PLEKHM3: variants seen among roughly 807,000 people sequenced by gnomAD.
The protein encoded by PLEKHM3 is pleckstrin homology domain containing M3.
A neutral mutation model predicts 81.8 loss-of-function variants in PLEKHM3; 45 were observed. The ratio of observed to expected loss-of-function variants is 0.55; its 90% confidence interval spans 0.43 to 0.71. The LOEUF (loss-of-function observed/expected upper bound fraction) is 0.71. Among genes scored for constraint, PLEKHM3 ranks in the 30% least tolerant of loss-of-function variants. The probability of loss-of-function intolerance (pLI) is 0.00; values close to 1 mark genes in which losing one functional copy is unlikely to be tolerated. For missense variants in PLEKHM3, 788 were observed against 924.3 expected (o/e 0.85, Z 1.91); for synonymous variants, 352 against 356.4 (o/e 0.99, Z 0.14).
At chr2:207,874,722 G>T (rs1160301571) in intron 6 of PLEKHM3, among the ~76,000 whole-genome samples, 1 of 151,972 alleles carries the variant, frequency 6.6e-6, no homozygotes, top group East Asian at 2.0e-4. Context: ...CTTCTGAGTA[G>T]CTGGGACTAC....
intron 2 of PLEKHM3, among the ~76,000 whole-genome samples, chr2:207,998,365 A>T (rs949851667): frequency 6.6e-6 from 1 of 152,290 alleles, no homozygotes; most frequent in Admixed American, 6.5e-5. Flanking sequence ...ATAAAAAATT[A>T]GCCAGGCATG....
chr2:207,940,897 G>A (rs1310644404), intron 4 of PLEKHM3, among the ~76,000 whole-genome samples: 3 of 152,204 alleles, frequency 2.0e-5, no homozygotes, highest in Non-Finnish European at 4.4e-5. Context: ...TTTCTCTCAA[G>A]TTAGGAGGGA....
chr2:207,853,066 G>C (rs1270893450), intron 7 of PLEKHM3, among the ~76,000 whole-genome samples: 4 of 152,096 alleles, frequency 2.6e-5, no homozygotes, highest in Non-Finnish European at 4.4e-5. Flanking sequence ...AACTATTTGT[G>C]AGCAAGTAGC....
intron 2 of PLEKHM3, among the ~76,000 whole-genome samples, chr2:207,978,579 C>T (rs952055425): frequency 1.1e-4 from 16 of 152,086 alleles, no homozygotes; most frequent in African/African-American, 3.9e-4. Context: ...GTTCATGGGC[C>T]TTCTGTCTAG....
At chr2:207,902,889 C>T (rs865968350) in intron 6 of PLEKHM3, among the ~76,000 whole-genome samples, 1 of 112,918 alleles carries the variant, frequency 8.9e-6, no homozygotes. Context: ...TTCTATGTTG[C>T]ATAAGTTACA....
chr2:207,923,391 T>A (rs993537848), intron 5 of PLEKHM3, among the ~76,000 whole-genome samples: 2 of 152,116 alleles, frequency 1.3e-5, no homozygotes, highest in African/African-American at 4.8e-5. Context: ...GAGGATCACC[T>A]GAGGTCGGGA....
intron 3 of PLEKHM3, among the ~76,000 whole-genome samples, chr2:207,954,532 T>C (rs1690441387): frequency 6.6e-6 from 1 of 152,126 alleles, no homozygotes; most frequent in East Asian, 1.9e-4. Flanking sequence ...ACAGAGGCCA[T>C]CTATGACGTA....
intron 5 of PLEKHM3, among the ~76,000 whole-genome samples, chr2:207,911,564 A>G (rs576881806): frequency 2.6e-5 from 4 of 152,376 alleles, no homozygotes; most frequent in South Asian, 4.1e-4. Flanking sequence ...CAGGAAAGGA[A>G]AACTAGGGCA....
chr2:207,961,439 A>C (rs1690729501), intron 3 of PLEKHM3, among the ~76,000 whole-genome samples: 1 of 152,194 alleles, frequency 6.6e-6, no homozygotes, highest in Non-Finnish European at 1.5e-5. Context: ...GTGATTTTTC[A>C]ATCTTTTGGA....
At chr2:207,944,641 T>A (rs534622330) in intron 4 of PLEKHM3, among the ~76,000 whole-genome samples, 3 of 152,324 alleles carry the variant, frequency 2.0e-5, no homozygotes, top group South Asian at 4.1e-4. Context: ...TGATGAAAGC[T>A]ACTGATATAA....
At chr2:207,894,815 G>A (rs1688170468) in intron 6 of PLEKHM3, among the ~76,000 whole-genome samples, 1 of 152,124 alleles carries the variant, frequency 6.6e-6, no homozygotes, top group South Asian at 2.1e-4. Context: ...AACAGGATGT[G>A]TACTAGAACA....
At chr2:207,962,633 G>A (rs1215762144) in intron 3 of PLEKHM3, among the ~76,000 whole-genome samples, 1 of 152,200 alleles carries the variant, frequency 6.6e-6, no homozygotes, top group East Asian at 1.9e-4. Flanking sequence ...CATCTGAAGT[G>A]GGAGCAGTCT....
At chr2:208,010,165 T>C (rs752282570) in intron 1 of PLEKHM3, among the ~76,000 whole-genome samples, 15 of 152,206 alleles carry the variant, frequency 9.9e-5, no homozygotes, top group Admixed American at 3.9e-4. Context: ...GTCCCAACAA[T>C]CCATTTAAAG....
chr2:207,889,433 C>CAA (rs1687980399), intron 6 of PLEKHM3, among the ~76,000 whole-genome samples: 1 of 72,822 alleles, frequency 1.4e-5, no homozygotes, highest in South Asian at 5.7e-4. Flanking sequence ...AGGTTTTTTT[C>CAA]AACACACACA....
At chr2:207,838,230 C>A (rs1431290264) in intron 7 of PLEKHM3, among the ~76,000 whole-genome samples, 1 of 152,076 alleles carries the variant, frequency 6.6e-6, no homozygotes, top group African/African-American at 2.4e-5. Context: ...GCAACTTGGT[C>A]CTTTAAGTTA....
chr2:207,863,595 G>A (rs993447002), intron 6 of PLEKHM3, among the ~76,000 whole-genome samples: 2 of 152,192 alleles, frequency 1.3e-5, no homozygotes, highest in South Asian at 2.1e-4. Context: ...GTTGCCACCC[G>A]GCGTGCTGGG....
intron 6 of PLEKHM3, among the ~76,000 whole-genome samples, chr2:207,865,151 A>T (rs2092488610): frequency 1.3e-5 from 2 of 152,084 alleles, no homozygotes; most frequent in Admixed American, 1.3e-4. Flanking sequence ...ACTAGTGGTT[A>T]TTTTTATTAT....
At chr2:207,925,527 G>A (rs1260202714) in intron 5 of PLEKHM3, among the ~76,000 whole-genome samples, 1 of 152,180 alleles carries the variant, frequency 6.6e-6, no homozygotes, top group Non-Finnish European at 1.5e-5. Context: ...TCCTTATGAG[G>A]TGGTATTGTC....
chr2:207,890,255 A>G lies in PLEKHM3; in HGVS notation c.1950+18259T>C, dbSNP rs555853164. 1.9e-4 allele frequency among the ~76,000 whole-genome samples: 29 copies of G among 152,374 alleles called. No homozygotes were observed. The South Asian group carries it at 5.8e-3, about 30-fold the overall frequency. On this transcript the variant is annotated intron_variant, in intron 6 of 7. Transcript: ENST00000427836. ...TGTGTTAATAAAACAAAATAGAGTT[A>G]CCAGAAATCTTCAAATTATGGGAAG... is the stretch of plus-strand genomic sequence containing the variant.
Sources: allele counts gnomAD v4.1 joint callset (sites outside exome capture counted in the v4.1 genomes callset), GRCh38; gene constraint gnomAD v4.1.1; transcripts MANE v1.5; gene names NCBI Gene and HGNC (gene_info 2026-07-23, HGNC 2026-07-21).